The following G3BP2 variants were observed in gnomAD, a reference collection of about 807,000 sequenced individuals.
The protein encoded by G3BP2 is ras GTPase-activating protein-binding protein 2.
A neutral mutation model predicts 56.7 loss-of-function variants in G3BP2; 11 were observed. That is an observed-to-expected ratio of 0.19 (90% CI 0.12 to 0.32). The LOEUF is 0.32. Among genes scored for constraint, G3BP2 ranks in the 10% least tolerant of loss-of-function variants. The probability of loss-of-function intolerance (pLI) is 1.00; values close to 1 mark genes in which losing one functional copy is unlikely to be tolerated. For missense variants in G3BP2, 340 were observed against 610.9 expected (o/e 0.56, Z 4.67); for synonymous variants, 165 against 191.6 (o/e 0.86, Z 1.15).
chr4:75,656,481 C>G (rs1373662832), intron 5 of G3BP2, among the ~76,000 whole-genome samples: 2 of 151,786 alleles, frequency 1.3e-5, no homozygotes, highest in African/African-American at 4.8e-5. Flanking sequence ...TTTAATAGAG[C>G]AATAATGATA....
At chr4:75,689,111 G>A (rs542952229) in intron 3 of G3BP2, among the ~76,000 whole-genome samples, 2 of 152,294 alleles carry the variant, frequency 1.3e-5, no homozygotes, top group East Asian at 3.9e-4. Context: ...GGCTGGGCGT[G>A]GAGGCTCACT....
chr4:75,649,609 T>C (rs1731516939), intron 8 of G3BP2, among the ~76,000 whole-genome samples: 1 of 152,184 alleles, frequency 6.6e-6, no homozygotes, highest in African/African-American at 2.4e-5. Flanking sequence ...GACCTTCTAC[T>C]ACCCAAATAT....
intron 8 of G3BP2, chr4:75,649,219 C>T (rs6816978): frequency 0.38 from 58,643 of 152,336 alleles, 12,065 homozygotes; most frequent in African/African-American, 0.5. Context: ...CTGCCCATAA[C>T]CTTAAAATCA....
At chr4:75,673,656 G>T, upstream of G3BP2, 1 of 1,226,932 alleles carries the variant, frequency 8.2e-7, no homozygotes, top group Non-Finnish European at 1.0e-6. Context: ...TCACAAGCAG[G>T]CTGCCTTTCT....
intron 6 of G3BP2, 130 bp downstream of exon 6, chr4:75,655,638 A>G (rs1333907081): frequency 4.8e-6 from 3 of 620,254 alleles, no homozygotes; most frequent in East Asian, 5.3e-5. Context: ...GCATATACAC[A>G]ATAGGTACTC....
chr4:75,660,237 A>G (rs765816840), intron 2 of G3BP2, among the ~76,000 whole-genome samples: 10 of 152,194 alleles, frequency 6.6e-5, no homozygotes, highest in Non-Finnish European at 1.5e-4. Flanking sequence ...TCAGATATCA[A>G]AAGGCCCTAT....
chr4:75,673,186 C>A, intron 1 of G3BP2, 22 bp downstream of exon 1: 1 of 1,193,742 alleles, frequency 8.4e-7, no homozygotes, highest in Non-Finnish European at 1.0e-6. Flanking sequence ...CACCGACCTC[C>A]CCTCCCGGCG....
intron 1 of G3BP2, 126 bp downstream of exon 1, chr4:75,673,082 G>C: frequency 9.7e-7 from 1 of 1,027,984 alleles, no homozygotes; most frequent in South Asian, 4.6e-5. Context: ...CAAGAACAAT[G>C]TCTCTGCCGC....
chr4:75,695,027 T>A, intron 3 of G3BP2: 1 of 668,366 alleles, frequency 1.5e-6, no homozygotes, highest in Non-Finnish European at 1.9e-6. Flanking sequence ...CAAGAGCCAG[T>A]ATCCAGAAGA....
At chr4:75,671,376 G>T (rs1733475929) in intron 1 of G3BP2, among the ~76,000 whole-genome samples, 1 of 152,204 alleles carries the variant, frequency 6.6e-6, no homozygotes, top group Admixed American at 6.5e-5. Context: ...GCAGGATAAG[G>T]AGGGAAGTTT....
At chr4:75,661,393 C>G (rs916145193) in intron 2 of G3BP2, 1 of 152,026 alleles carries the variant, frequency 6.6e-6, no homozygotes, top group Non-Finnish European at 1.5e-5. Flanking sequence ...CCTCCCAAAG[C>G]GTTGGGATTA....
At chr4:75,722,433 G>A (rs1196572279) in intron 1 of G3BP2, among the ~76,000 whole-genome samples, 3 of 152,114 alleles carry the variant, frequency 2.0e-5, no homozygotes, top group African/African-American at 7.2e-5. Flanking sequence ...AAAATGTCAA[G>A]GCACTCTTTT....
chr4:75,704,255 G>C (rs1560420598), intron 3 of G3BP2, among the ~76,000 whole-genome samples: 2 of 151,864 alleles, frequency 1.3e-5, no homozygotes, highest in Non-Finnish European at 1.5e-5. Flanking sequence ...CTGACCTCAT[G>C]ATCTGCCCAC....
rs1731124273 is a variant in G3BP2 at position 75,645,178 on chromosome 4, G to T, written c.*252C>A. ...GTCCTTTTAAGTTCACTTTGTCGTA[G>T]ATAGTTTAAGATATGGTCATTTCTC... On this transcript the variant is annotated 3_prime_UTR_variant, in exon 12 of 12. Transcript: ENST00000359707. 2 of 492,698 alleles carry T rather than the reference G, an allele frequency of 4.1e-6. No homozygotes were observed. The highest frequency in any genetic ancestry group is 3.8e-5 in the Admixed American group (1 of 25,998). The allele number at this position is 492,698 out of a possible 1,614,324, so 30.5% of individuals were successfully genotyped here.
At chr4:75,723,385 C>T (rs761006352) in intron 1 of G3BP2, among the ~76,000 whole-genome samples, 1 of 152,170 alleles carries the variant, frequency 6.6e-6, no homozygotes, top group Non-Finnish European at 1.5e-5. Context: ...GGAAGGAAGC[C>T]AGGGCTGAAT....
chr4:75,687,191 A>G (rs903114655), intron 3 of G3BP2, among the ~76,000 whole-genome samples: 1 of 151,900 alleles, frequency 6.6e-6, no homozygotes, highest in Non-Finnish European at 1.5e-5. Flanking sequence ...CATAATTCCT[A>G]TGGGTTGTGG....
upstream of G3BP2, among the ~76,000 whole-genome samples, chr4:75,674,470 A>G (rs1194202681): frequency 6.6e-6 from 1 of 152,008 alleles, no homozygotes; most frequent in Non-Finnish European, 1.5e-5. Flanking sequence ...TCCAAAGTCT[A>G]CAATATCTTT....
Position 75,669,617 on chromosome 4 carries a change from C to T in G3BP2, c.-25+3591G>A, listed in dbSNP as rs137939683. On this transcript the variant is annotated intron_variant, in intron 1 of 11. Coordinates refer to ENST00000359707, the MANE Select transcript of G3BP2 (RefSeq NM_203505.3). ...AAATTTATCTCCTACTATACTTTCTCATCCCTGTATCAAATTCTATACAAA... is the reference window on the plus strand; with the variant it reads ...AAATTTATCTCCTACTATACTTTCTTATCCCTGTATCAAATTCTATACAAA... Among the ~76,000 whole-genome samples, 38 of 152,360 alleles carry T rather than the reference C, an allele frequency of 2.5e-4. No individual in the cohort carries two copies. The East Asian group carries it at 6.0e-3, about 24-fold the overall frequency.
intron 3 of G3BP2, among the ~76,000 whole-genome samples, chr4:75,681,750 G>A (rs184444197): frequency 1.3e-3 from 204 of 151,298 alleles, no homozygotes; most frequent in South Asian, 2.5e-3. Context: ...TCGGGAGGCT[G>A]AGGCAGGAGA....
Sources: allele counts gnomAD v4.1 joint callset (sites outside exome capture counted in the v4.1 genomes callset), GRCh38; gene constraint gnomAD v4.1.1; transcripts MANE v1.5; gene names NCBI Gene and HGNC (gene_info 2026-07-23, HGNC 2026-07-21).